The following CLASP2 variants were observed in gnomAD, a reference collection of about 807,000 sequenced individuals.
CLASP2 encodes the protein CLIP-associating protein 2.
A neutral mutation model predicts 194.4 loss-of-function variants in CLASP2; 47 were observed. The observed-to-expected ratio is 0.24, with a 90% CI of 0.19 to 0.31. The LOEUF (loss-of-function observed/expected upper bound fraction) is 0.31. Among genes scored for constraint, CLASP2 ranks in the 10% least tolerant of loss-of-function variants. CLASP2 has a pLI of 1.00. For synonymous variants in CLASP2, 619 were observed against 633.5 expected (o/e 0.98, Z 0.34); for missense variants, 1,445 against 1,823.6 (o/e 0.79, Z 3.78).
intron 23 of CLASP2, among the ~76,000 whole-genome samples, chr3:33,579,145 G>A (rs1316517092): frequency 6.6e-6 from 1 of 152,120 alleles, no homozygotes; most frequent in South Asian, 2.1e-4. Flanking sequence ...AAATAAAATG[G>A]CTATAAAAAA....
chr3:33,515,941 AATAAG>A, intron 36 of CLASP2, 77 bp downstream of exon 36: 1 of 1,355,710 alleles, frequency 7.4e-7, no homozygotes, highest in Non-Finnish European at 9.9e-7. Flanking sequence ...GAAAATCATT[AATAAG>A]GCTACATTTT....
At chr3:33,631,389 A>T (rs2079051859) in intron 9 of CLASP2, among the ~76,000 whole-genome samples, 1 of 152,192 alleles carries the variant, frequency 6.6e-6, no homozygotes, top group Non-Finnish European at 1.5e-5. Context: ...ATAATCAAGG[A>T]CATATGTACA....
intron 18 of CLASP2, chr3:33,602,574 C>T (rs770010860): frequency 9.2e-6 from 7 of 762,354 alleles, no homozygotes; most frequent in Non-Finnish European, 1.4e-5. Flanking sequence ...CCCAGATCTC[C>T]AAAAGGCTTC....
chr3:33,616,770 C>T (rs2076250177), intron 12 of CLASP2, among the ~76,000 whole-genome samples: 2 of 113,226 alleles, frequency 1.8e-5, no homozygotes, highest in Non-Finnish European at 3.3e-5. Context: ...GACAGTCTTG[C>T]TGTGTCGCCC....
At position 33,517,079 on chromosome 3, in the gene CLASP2, C is replaced by T; in HGVS notation, c.3883G>A (p.Glu1295Lys). Residue 1295 changes from glutamate (E) to lysine (K), a missense_variant, in exon 35 of 39, where the codon GAA (glutamate) becomes AAA (lysine). Around this residue, in one of 4 missense-constraint regions of CLASP2, gnomAD observed 732 missense variants for 987.9 expected, o/e 0.74. Coordinates refer to ENST00000682230, the MANE Select transcript of CLASP2 (RefSeq NM_001365631.1). ...TCTTCCTGTGTCAGTTTCATAAGTT[C>T]ATAGAGGGCAATTTTTCTTTCTTCT... ...RVEERKIALYELMKLTQEESF... is the reference protein window; with the variant it reads ...RVEERKIALYKLMKLTQEESF... The T allele has an allele frequency of 6.2e-7, 1 of 1,613,650 alleles. No homozygotes were observed. The highest frequency in any genetic ancestry group is 8.5e-7 in the Non-Finnish European group (1 of 1,179,748).
At chr3:33,674,360 A>C (rs1368608310) in intron 6 of CLASP2, among the ~76,000 whole-genome samples, 2 of 152,046 alleles carry the variant, frequency 1.3e-5, no homozygotes, top group Non-Finnish European at 2.9e-5. Flanking sequence ...ACATAAAGAA[A>C]TGAAGGCAGA....
At chr3:33,658,479 G>C (rs2084701106) in intron 7 of CLASP2, among the ~76,000 whole-genome samples, 1 of 152,106 alleles carries the variant, frequency 6.6e-6, no homozygotes, top group Non-Finnish European at 1.5e-5. Flanking sequence ...AAAATGTTGG[G>C]ACACTGACAA....
Position 33,717,985 on chromosome 3 carries a change from C to A in CLASP2, c.18G>T (p.Met6Ile). 2 of 1,519,190 alleles carry A rather than the reference C, an allele frequency of 1.3e-6. No individual in the cohort carries two copies. Among genetic ancestry groups the A allele is most frequent in the Non-Finnish European group, 1.8e-6 (2 of 1,137,356 alleles). 94.1% of individuals were successfully genotyped at this position (1,519,190 alleles called of 1,614,324 possible). MEPRS[M>I]EYFCAQVQQK... ...GCTGCACCTGGGCGCAGAAGTACTC[C>A]ATGCTGCGGGGCTCCATGGCTGCGG... The change falls in exon 1 of 39, where the codon ATG becomes ATT. Residue 6 changes from methionine (M) to isoleucine (I), a missense_variant. Physicochemically the swap from Met to Ile is conservative, Grantham distance 10 (BLOSUM62 1). This residue lies in a region of CLASP2 where 332 missense variants were observed against 325.3 expected (regional missense o/e 1.02). Transcript: ENST00000682230.
intron 6 of CLASP2, among the ~76,000 whole-genome samples, chr3:33,682,021 G>C (rs2154343610): frequency 6.6e-6 from 1 of 150,630 alleles, no homozygotes; most frequent in Non-Finnish European, 1.5e-5. Flanking sequence ...ACTTTCCACT[G>C]TGAGTAGAAG....
At chr3:33,706,521 T>C (rs2092691766) in intron 1 of CLASP2, among the ~76,000 whole-genome samples, 1 of 152,100 alleles carries the variant, frequency 6.6e-6, no homozygotes, top group Non-Finnish European at 1.5e-5. Flanking sequence ...AAAACAAAAC[T>C]CTGAAAAATA....
intron 25 of CLASP2, 55 bp from the exon 26 acceptor site, chr3:33,570,845 A>G (rs1466436249): frequency 2.2e-6 from 3 of 1,383,598 alleles, no homozygotes; most frequent in Non-Finnish European, 2.9e-6. Context: ...GAAGTCATGT[A>G]AAAGTAACTT....
intron 6 of CLASP2, among the ~76,000 whole-genome samples, chr3:33,684,150 C>T (rs531494326): frequency 1.7e-3 from 255 of 151,408 alleles, no homozygotes; most frequent in African/African-American, 5.9e-3. Flanking sequence ...GAGGCTGAGG[C>T]AGAAGAATCA....
rs1433048038 is a variant in CLASP2, at chr3:33,643,062, A to T, written c.862+1695T>A. Among the ~76,000 whole-genome samples the T allele has an allele frequency of 3.3e-5, 5 of 152,034 alleles. No homozygotes were observed. The South Asian group carries it at 8.3e-4, about 25-fold the overall frequency. ...TTTCATTTAACTGGTAGGAATAGAA[A>T]CTACAAGAATGGGGGTGGAGGAGCT... On this transcript the variant is annotated intron_variant, in intron 8 of 38. Coordinates refer to ENST00000682230, the MANE Select transcript of CLASP2 (RefSeq NM_001365631.1).
At chr3:33,700,313 G>C (rs1217498715) in intron 1 of CLASP2, among the ~76,000 whole-genome samples, 1 of 151,982 alleles carries the variant, frequency 6.6e-6, no homozygotes, top group Non-Finnish European at 1.5e-5. Context: ...TGTAATCCCA[G>C]CTACTCAGGA....
chr3:33,669,321 C>A (rs114154382), intron 6 of CLASP2, among the ~76,000 whole-genome samples: 1 of 151,950 alleles, frequency 6.6e-6, no homozygotes, highest in African/African-American at 2.4e-5. Context: ...AACGTTAAGA[C>A]AATTACATAC....
At chr3:33,665,004 G>A (rs1379392834) in intron 6 of CLASP2, among the ~76,000 whole-genome samples, 6 of 152,056 alleles carry the variant, frequency 3.9e-5, no homozygotes, top group Non-Finnish European at 8.8e-5. Flanking sequence ...GGGAGGCTGA[G>A]GCACAAGAAT....
intron 2 of CLASP2, among the ~76,000 whole-genome samples, chr3:33,690,674 TAAAC>T (rs1408159901): frequency 6.6e-6 from 1 of 152,156 alleles, no homozygotes; most frequent in Non-Finnish European, 1.5e-5. Context: ...ATTCTAGAAA[TAAAC>T]AACTCATAAG....
chr3:33,535,164 G>A (rs540049695), intron 34 of CLASP2, 69 bp downstream of exon 34: 1 of 1,021,360 alleles, frequency 9.8e-7, no homozygotes, highest in Non-Finnish European at 1.5e-6. Flanking sequence ...AAAAGCATAT[G>A]CATTTCTTTT....
intron 33 of CLASP2, among the ~76,000 whole-genome samples, chr3:33,538,180 C>T (rs146843862): frequency 1.3e-5 from 2 of 152,212 alleles, no homozygotes; most frequent in East Asian, 1.9e-4. Context: ...GCCCATGTTC[C>T]ACTCCTTTTC....
Sources: allele counts gnomAD v4.1 joint callset (sites outside exome capture counted in the v4.1 genomes callset), GRCh38; gene constraint gnomAD v4.1.1; regional missense constraint gnomAD v4.1.1; transcripts MANE v1.5; gene names NCBI Gene and HGNC (gene_info 2026-07-23, HGNC 2026-07-21).